Variants in ATL1 observed in about 807,000 individuals in gnomAD.
The protein encoded by ATL1 is atlastin GTPase 1, also known as atlastin-1.
ATL1 carries 31 observed loss-of-function variants against 75.5 expected under a neutral mutation model. The observed-to-expected ratio is 0.41, with a 90% confidence interval of 0.31 to 0.55. The LOEUF (loss-of-function observed/expected upper bound fraction) is 0.55. Among genes scored for constraint, ATL1 ranks in the 20% least tolerant of loss-of-function variants. ATL1 has a pLI of 0.27. For missense variants in ATL1, 405 were observed against 662.6 expected (o/e 0.61, Z 4.27); for synonymous variants, 226 against 233.3 (o/e 0.97, Z 0.28).
At chr14:50,549,796 C>T (rs988483193) in intron 1 of ATL1, among the ~76,000 whole-genome samples, 1 of 152,198 alleles carries the variant, frequency 6.6e-6, no homozygotes, top group Non-Finnish European at 1.5e-5. Flanking sequence ...AACCCAATTA[C>T]ATGCACTGTC....
chr14:50,574,813 T>C (rs1184239329), intron 1 of ATL1, among the ~76,000 whole-genome samples: 1 of 151,442 alleles, frequency 6.6e-6, no homozygotes, highest in Non-Finnish European at 1.5e-5. Flanking sequence ...ATGTAAATAA[T>C]GTTGTCATGA....
In ATL1 at chr14:50,592,804, G is replaced by A. The variant is rs189019802; in HGVS notation, c.523-1042G>A. Among the ~76,000 whole-genome samples the A allele has an allele frequency of 7.1e-3, 1,071 of 150,752 alleles. 11 individuals are homozygous for A. The highest frequency in any genetic ancestry group is 0.025 in the African/African-American group (1,024 of 41,148). Reference sequence around the variant, plus strand: ...CAGGCGCCTGTAGTCCCAGCTACTCGGGAGGCTGAGGCAGGAGAATGGCGT... The same window carrying A: ...CAGGCGCCTGTAGTCCCAGCTACTCAGGAGGCTGAGGCAGGAGAATGGCGT... On this transcript the variant is annotated intron_variant, in intron 4 of 13. Transcript: ENST00000358385.
At chr14:50,622,554 T>G (rs954869635) in intron 10 of ATL1, among the ~76,000 whole-genome samples, 1 of 151,980 alleles carries the variant, frequency 6.6e-6, no homozygotes, top group African/African-American at 2.4e-5. Flanking sequence ...TAGTCCCAGC[T>G]ACTTGGGAGG....
chr14:50,616,169 T>A (rs192008681), intron 8 of ATL1, among the ~76,000 whole-genome samples: 12 of 152,204 alleles, frequency 7.9e-5, no homozygotes, highest in African/African-American at 2.9e-4. Context: ...AATTTATTTT[T>A]AAAATTCTTT....
chr14:50,562,890 C>A (rs1430777825), intron 1 of ATL1, among the ~76,000 whole-genome samples: 2 of 152,104 alleles, frequency 1.3e-5, no homozygotes, highest in Non-Finnish European at 2.9e-5. Flanking sequence ...ATTTTATTAC[C>A]AGTATCTAAT....
intron 1 of ATL1, among the ~76,000 whole-genome samples, chr14:50,534,320 G>A (rs191742706): frequency 3.3e-5 from 5 of 152,300 alleles, no homozygotes; most frequent in South Asian, 2.1e-4. Context: ...AGAACAGTGT[G>A]ACAAATCGGC....
intron 6 of ATL1, among the ~76,000 whole-genome samples, chr14:50,610,396 A>G (rs2039354690): frequency 6.6e-6 from 1 of 152,140 alleles, no homozygotes; most frequent in South Asian, 2.1e-4. Flanking sequence ...TATCCTGCCA[A>G]TTTGTTAATT....
intron 1 of ATL1, among the ~76,000 whole-genome samples, chr14:50,574,237 T>C (rs775986572): frequency 2.0e-5 from 3 of 152,212 alleles, no homozygotes; most frequent in Non-Finnish European, 4.4e-5. Flanking sequence ...GCCTTTGCCA[T>C]GTGCTGCAAG....
At chr14:50,564,927 C>A (rs954176097) in intron 1 of ATL1, among the ~76,000 whole-genome samples, 1 of 151,972 alleles carries the variant, frequency 6.6e-6, no homozygotes, top group South Asian at 2.1e-4. Context: ...TGAAATGAGA[C>A]CGTCTGTCCC....
intron 2 of ATL1, among the ~76,000 whole-genome samples, chr14:50,588,627 G>A (rs1168728690): frequency 6.6e-6 from 1 of 151,968 alleles, no homozygotes; most frequent in African/African-American, 2.4e-5. Context: ...TGTGGCTCAC[G>A]CCTGTAATCC....
At chr14:50,554,133 A>G (rs1429170633) in intron 1 of ATL1, among the ~76,000 whole-genome samples, 1 of 152,008 alleles carries the variant, frequency 6.6e-6, no homozygotes, top group African/African-American at 2.4e-5. Context: ...ATCCACAAAA[A>G]CCAATACGTA....
chr14:50,562,107 C>A (rs1370444391), intron 1 of ATL1, among the ~76,000 whole-genome samples: 3 of 151,446 alleles, frequency 2.0e-5, no homozygotes, highest in Non-Finnish European at 4.4e-5. Flanking sequence ...TGCAGTGGTG[C>A]CTTCTGGGCT....
At chr14:50,608,768 AT>A (rs1005922549) in intron 6 of ATL1, among the ~76,000 whole-genome samples, 2 of 152,026 alleles carry the variant, frequency 1.3e-5, no homozygotes, top group Admixed American at 1.3e-4. Context: ...ATGAACCTCT[AT>A]TTTGAAAAAA....
At chr14:50,576,557 G>A (rs1180098385) in intron 1 of ATL1, among the ~76,000 whole-genome samples, 1 of 152,140 alleles carries the variant, frequency 6.6e-6, no homozygotes, top group African/African-American at 2.4e-5. Flanking sequence ...AACTTGTTAT[G>A]CATTCCAAAG....
intron 6 of ATL1, among the ~76,000 whole-genome samples, chr14:50,612,783 C>T (rs1027248506): frequency 6.6e-6 from 1 of 152,066 alleles, no homozygotes; most frequent in Non-Finnish European, 1.5e-5. Context: ...AATTTTCTCT[C>T]TGGACTCTGC....
chr14:50,541,122 C>T (rs572619590), intron 1 of ATL1, among the ~76,000 whole-genome samples: 32 of 152,252 alleles, frequency 2.1e-4, no homozygotes, highest in East Asian at 1.9e-4. Flanking sequence ...TTTCAATTCC[C>T]GTCAGCAAAA....
intron 10 of ATL1, 45 bp downstream of exon 10, chr14:50,621,944 C>G: frequency 2.3e-6 from 3 of 1,293,886 alleles, no homozygotes; most frequent in Non-Finnish European, 3.4e-6. Flanking sequence ...GTGACTAAGG[C>G]TAAGATTTCT....
At chr14:50,629,760 G>C (rs377748300) in intron 12 of ATL1, among the ~76,000 whole-genome samples, 6 of 152,098 alleles carry the variant, frequency 3.9e-5, no homozygotes, top group Non-Finnish European at 8.8e-5. Flanking sequence ...TTTAAGAGGG[G>C]TTGAGGTCAA....
At chr14:50,572,117 A>T (rs1379972742) in intron 1 of ATL1, 3 of 463,122 alleles carry the variant, frequency 6.5e-6, no homozygotes, top group Non-Finnish European at 1.2e-5. Context: ...ATTTTTTTAA[A>T]TCCAGAGGGT....
Sources: allele counts gnomAD v4.1 joint callset (sites outside exome capture counted in the v4.1 genomes callset), GRCh38; gene constraint gnomAD v4.1.1; transcripts MANE v1.5; gene names NCBI Gene and HGNC (gene_info 2026-07-23, HGNC 2026-07-21).